DZIP1L: variants seen among roughly 807,000 people sequenced by gnomAD.
The protein encoded by DZIP1L is cilium assembly protein DZIP1L.
DZIP1L carries 90 observed loss-of-function variants against 88.7 expected under a neutral mutation model. The observed-to-expected ratio is 1.02, with a 90% CI of 0.86 to 1.21. The LOEUF (loss-of-function observed/expected upper bound fraction) is 1.21. DZIP1L is among the 50% of genes most tolerant of loss of function. The pLI, the probability that DZIP1L is intolerant of heterozygous loss-of-function variation, is 0.00. For missense variants in DZIP1L, 932 were observed against 955.8 expected (o/e 0.98, Z 0.33); for synonymous variants, 363 against 372.1 (o/e 0.98, Z 0.28).
rs139169240 is a variant in DZIP1L, at chr3:138,088,730, A to G, written c.871-223T>C. Reference sequence around the variant, plus strand: ...TGCATAGAAAAAGCAATTCCATGGAAGAACAAATTAAAGAGTGTAGTTTCC... The same window carrying G: ...TGCATAGAAAAAGCAATTCCATGGAGGAACAAATTAAAGAGTGTAGTTTCC... On this transcript the variant is annotated intron_variant, in intron 5 of 15. Coordinates refer to ENST00000327532, the MANE Select transcript of DZIP1L (RefSeq NM_173543.3). 153 of 1,217,942 alleles carry G rather than the reference A, an allele frequency of 1.3e-4. 3 individuals carry two copies. In the Middle Eastern group the frequency reaches 1.9e-3, roughly 15 times the overall value. The allele number at this position is 1,217,942 out of a possible 1,614,324, so 75.4% of individuals were successfully genotyped here. A position where few individuals can be genotyped will look rare whatever the true frequency, so the allele number is the denominator to read the frequency against.
At chr3:138,082,885 T>C (rs1254958871) in intron 8 of DZIP1L, among the ~76,000 whole-genome samples, 1 of 152,210 alleles carries the variant, frequency 6.6e-6, no homozygotes, top group Non-Finnish European at 1.5e-5. Context: ...AATATGGTTG[T>C]ATGGTTGGGG....
intron 10 of DZIP1L, among the ~76,000 whole-genome samples, chr3:138,078,489 C>T (rs573429505): frequency 6.6e-6 from 1 of 152,264 alleles, no homozygotes; most frequent in Admixed American, 6.5e-5. Flanking sequence ...CAAGGTGGAC[C>T]CCAACGCTTG....
At position 138,077,914 on chromosome 3, in the gene DZIP1L, G is replaced by C. The variant is rs559823131; in HGVS notation, c.1289-282C>G. On this transcript the variant is annotated intron_variant, in intron 10 of 15. Transcript: ENST00000327532. ...CAATTCTGGTCCAGGTGATAAACTG[G>C]TGGACAAGATAGACAGATCGCTGCT... 2.0e-5 allele frequency among the ~76,000 whole-genome samples: 3 copies of C among 152,332 alleles called. No individual in the cohort carries two copies. In the East Asian group the frequency reaches 5.8e-4, roughly 29 times the overall value.
rs116434286 is a variant in DZIP1L, at chr3:138,092,011, G to A, written c.870+372C>T. On this transcript the variant is annotated intron_variant, in intron 5 of 15. Coordinates refer to ENST00000327532, the MANE Select transcript of DZIP1L (RefSeq NM_173543.3). The stretch of plus-strand genomic sequence containing the variant: ...TCTTGTCCAGTGATGAAAGCCCTTC[G>A]CAAAAATAAGAATAATACCTGGAGA... Among the ~76,000 whole-genome samples, 388 of 152,162 alleles carry A rather than the reference G, an allele frequency of 2.5e-3. 2 individuals carry two copies. Among genetic ancestry groups the A allele is most frequent in the African/African-American group, 8.3e-3 (345 of 41,506 alleles).
chr3:138,068,933 G>A (rs1412912649), intron 12 of DZIP1L: 19 of 1,248,764 alleles, frequency 1.5e-5, no homozygotes, highest in Non-Finnish European at 1.7e-5. Context: ...AAGTTTTTAT[G>A]GGAAGAGAAG....
At chr3:138,086,082 G>T (rs1943918985) in intron 7 of DZIP1L, among the ~76,000 whole-genome samples, 1 of 149,880 alleles carries the variant, frequency 6.7e-6, no homozygotes, top group Non-Finnish European at 1.5e-5. Context: ...CCAGGAAGGG[G>T]AACATCACAC....
intron 12 of DZIP1L, chr3:138,069,178 A>G (rs1943057394): frequency 2.9e-6 from 2 of 680,916 alleles, no homozygotes; most frequent in East Asian, 2.8e-5. Context: ...CTCAACACAA[A>G]GATAACAAGG....
At chr3:138,095,404 T>C (rs1353309655) in intron 3 of DZIP1L, among the ~76,000 whole-genome samples, 1 of 151,836 alleles carries the variant, frequency 6.6e-6, no homozygotes, top group Non-Finnish European at 1.5e-5. Context: ...TATCCATGTA[T>C]CCTGACAGTA....
chr3:138,103,011 C>T, intron 2 of DZIP1L: 1 of 452,722 alleles, frequency 2.2e-6, no homozygotes, highest in South Asian at 2.2e-5. Context: ...ACTATTAATA[C>T]ACCTTTTTAT....
intron 2 of DZIP1L, chr3:138,101,613 G>C (rs538579041): frequency 2.5e-6 from 2 of 795,772 alleles, no homozygotes; most frequent in Non-Finnish European, 4.5e-6. Context: ...CAAAGCTGGA[G>C]CCCAGGCCGT....
intron 10 of DZIP1L, 66 bp from the exon 11 acceptor site, chr3:138,077,698 T>C (rs1943476623): frequency 1.3e-6 from 2 of 1,589,398 alleles, no homozygotes; most frequent in East Asian, 2.2e-5. Context: ...AGAGCCCTAC[T>C]GCACCTGCCG....
intron 4 of DZIP1L, 93 bp downstream of exon 4, chr3:138,094,769 C>G: frequency 6.4e-7 from 1 of 1,557,022 alleles, no homozygotes; most frequent in South Asian, 1.2e-5. Context: ...GGGAAACTAG[C>G]TGGAATTTTT....
At chr3:138,064,396 G>T in intron 15 of DZIP1L, 1 of 1,416,130 alleles carries the variant, frequency 7.1e-7, no homozygotes, top group Non-Finnish European at 9.2e-7. Flanking sequence ...AACTTACTGA[G>T]CATTGCTTAT....
In DZIP1L at chr3:138,098,389, C is replaced by A. The variant is rs150205802; in HGVS notation, c.502-542G>T. On this transcript the variant is annotated intron_variant, in intron 2 of 15. Coordinates refer to ENST00000327532, the MANE Select transcript of DZIP1L (RefSeq NM_173543.3). Reference sequence around the variant, plus strand: ...TTTTAAAATATGCCAATGTCTAGGTCCCATCCCAGGGTGGAGAAACACCAG... The same window carrying A: ...TTTTAAAATATGCCAATGTCTAGGTACCATCCCAGGGTGGAGAAACACCAG... 5.1e-4 allele frequency among the ~76,000 whole-genome samples: 77 copies of A among 152,276 alleles called. No individual in the cohort carries two copies. The East Asian group carries it at 0.012, about 24-fold the overall frequency.
chr3:138,102,190 G>C, intron 2 of DZIP1L: 1 of 1,361,294 alleles, frequency 7.3e-7, no homozygotes, highest in Non-Finnish European at 1.0e-6. Flanking sequence ...AGCACCACAG[G>C]CGTGTCCGAG....
At chr3:138,084,343 C>T in intron 7 of DZIP1L, 90 bp from the exon 8 acceptor site, 1 of 1,496,576 alleles carries the variant, frequency 6.7e-7, no homozygotes, top group Non-Finnish European at 8.9e-7. Context: ...TAGGCAAGTG[C>T]CAGGCAAGCA....
At chr3:138,064,461 G>T in intron 15 of DZIP1L, 167 bp downstream of exon 15, 1 of 1,595,416 alleles carries the variant, frequency 6.3e-7, no homozygotes, top group Non-Finnish European at 8.5e-7. Context: ...TTCCAAACTG[G>T]CCATCTCTCC....
At chr3:138,064,544 C>G (rs1233487556) in intron 15 of DZIP1L, 84 bp downstream of exon 15, 1 of 1,613,382 alleles carries the variant, frequency 6.2e-7, no homozygotes, top group Non-Finnish European at 8.5e-7. Context: ...CTGGGCCCTC[C>G]CCAACCTTCA....
chr3:138,067,697 C>G lies in DZIP1L; in HGVS notation c.1836G>C (p.Thr612=). ...AGTCCTCTTCAGAACTGAACGGGGG[C>G]GTGCTGCCACGAGGAGGAGAAGAAA... ...TPPSSGPGMS[T]PPFSSEEDSE... The change falls in exon 14 of 16, where the codon ACG becomes ACC. Residue 612 remains threonine, a synonymous_variant. Transcript: ENST00000327532. 1 of 1,547,156 alleles carries G rather than the reference C, an allele frequency of 6.5e-7. No individual in the cohort carries two copies. The highest frequency in any genetic ancestry group is 8.7e-7 in the Non-Finnish European group (1 of 1,148,898).
Sources: allele counts gnomAD v4.1 joint callset (sites outside exome capture counted in the v4.1 genomes callset), GRCh38; gene constraint gnomAD v4.1.1; transcripts MANE v1.5; gene names NCBI Gene and HGNC (gene_info 2026-07-23, HGNC 2026-07-21).